The following CUX2 variants were observed in gnomAD, a reference collection of about 807,000 sequenced individuals.
CUX2 encodes the protein cut like homeobox 2.
CUX2 carries 40 observed loss-of-function variants against 144.8 expected under a neutral mutation model. The observed-to-expected ratio is 0.28, with a 90% confidence interval of 0.21 to 0.36. The LOEUF is 0.36. CUX2 is among the 10% of genes least tolerant of loss of function. The probability of loss-of-function intolerance (pLI) is 1.00; values close to 1 mark genes in which losing one functional copy is unlikely to be tolerated. For missense variants in CUX2, 1,615 were observed against 1,994.0 expected, an observed-to-expected ratio of 0.81 and a Z score of 3.62; for synonymous variants, 827 against 875.6, an observed-to-expected ratio of 0.94 and a Z score of 0.98.
intron 1 of CUX2, among the ~76,000 whole-genome samples, chr12:111,107,774 A>C (rs1047830442): frequency 7.9e-5 from 12 of 152,238 alleles, no homozygotes; most frequent in African/African-American, 2.9e-4. Context: ...AATTTATTTA[A>C]ACTTTTTTTT....
At chr12:111,292,093 G>A (rs1418202207) in intron 5 of CUX2, among the ~76,000 whole-genome samples, 1 of 152,206 alleles carries the variant, frequency 6.6e-6, no homozygotes, top group African/African-American at 2.4e-5. Flanking sequence ...ACGGCTAGGT[G>A]TGGACCCCAG....
intron 1 of CUX2, among the ~76,000 whole-genome samples, chr12:111,128,772 A>G (rs1005080436): frequency 2.8e-4 from 43 of 152,212 alleles, no homozygotes; most frequent in Admixed American, 2.2e-3. Flanking sequence ...ACTGTGATTT[A>G]TCCAGATGGG....
chr12:111,167,084 A>G (rs1878195766), intron 1 of CUX2, among the ~76,000 whole-genome samples: 1 of 152,142 alleles, frequency 6.6e-6, no homozygotes, highest in South Asian at 2.1e-4. Flanking sequence ...CTGTCACAAG[A>G]AGCTCACAGT....
At position 111,214,196 on chromosome 12, in the gene CUX2, C is replaced by G; in HGVS notation, c.64-4C>G. 7.6e-7 allele frequency: 1 copy of G among 1,318,988 alleles called. No homozygotes were observed. Among genetic ancestry groups the G allele is most frequent in the Non-Finnish European group, 1.0e-6 (1 of 995,930 alleles). 81.7% of individuals were successfully genotyped at this position (1,318,988 alleles called of 1,614,324 possible). A position where few individuals can be genotyped will look rare whatever the true frequency, so the allele number is the denominator to read the frequency against. On this transcript the variant is annotated splice_polypyrimidine_tract_variant and splice_region_variant and intron_variant, in intron 1 of 21. Transcript: ENST00000261726. ...CTCTTTTTTTTTTTTTTTTATTGTT[C>G]CAGAAGGAGCTTAATTCCGTCGCTT...
intron 1 of CUX2, among the ~76,000 whole-genome samples, chr12:111,125,954 G>C (rs1408999419): frequency 6.6e-6 from 1 of 152,018 alleles, no homozygotes; most frequent in Non-Finnish European, 1.5e-5. Flanking sequence ...AAGGCCAAAT[G>C]GGCCACCGGG....
At position 111,161,412 on chromosome 12, in the gene CUX2, G is replaced by A. The variant is rs1395062592; in HGVS notation, c.64-52788G>A. On this transcript the variant is annotated intron_variant, in intron 1 of 21. Coordinates refer to ENST00000261726, the MANE Select transcript of CUX2 (RefSeq NM_015267.4). ...AGCTTCCCAGAGTGGTTCATGTCAC[G>A]CTTATCTCAGAAAATAAGGACACAC... Among the ~76,000 whole-genome samples, 15 of 152,220 alleles carry A rather than the reference G, an allele frequency of 9.9e-5. No individual in the cohort carries two copies. The South Asian group carries it at 1.7e-3, about 17-fold the overall frequency.
At chr12:111,247,971 A>G (rs1200693711) in intron 3 of CUX2, among the ~76,000 whole-genome samples, 2 of 152,156 alleles carry the variant, frequency 1.3e-5, no homozygotes, top group African/African-American at 2.4e-5. Flanking sequence ...CAGTGGTGCA[A>G]TCTTGGCTCA....
At chr12:111,115,997 T>C (rs1034830592) in intron 1 of CUX2, among the ~76,000 whole-genome samples, 8 of 152,236 alleles carry the variant, frequency 5.3e-5, no homozygotes, top group Non-Finnish European at 8.8e-5. Flanking sequence ...GTTTGATGAA[T>C]ACCTTGGTCT....
At chr12:111,154,929 C>T (rs1877283124) in intron 1 of CUX2, among the ~76,000 whole-genome samples, 1 of 152,188 alleles carries the variant, frequency 6.6e-6, no homozygotes, top group Non-Finnish European at 1.5e-5. Context: ...TTGTGTAGCA[C>T]AGCGGTTGTG....
intron 7 of CUX2, among the ~76,000 whole-genome samples, chr12:111,296,071 G>A (rs1345514104): frequency 6.6e-6 from 1 of 152,066 alleles, no homozygotes; most frequent in Admixed American, 6.6e-5. Context: ...TTGGAACCTC[G>A]GGGTGGTTGA....
chr12:111,346,633 A>G (rs1218431991), intron 21 of CUX2, among the ~76,000 whole-genome samples: 5 of 152,240 alleles, frequency 3.3e-5, no homozygotes. Flanking sequence ...GAGCCACAGC[A>G]TTGAAGGTGC....
chr12:111,107,541 C>T (rs1035865039), intron 1 of CUX2, among the ~76,000 whole-genome samples: 1 of 152,232 alleles, frequency 6.6e-6, no homozygotes, highest in Non-Finnish European at 1.5e-5. Flanking sequence ...CAGTTCCCAC[C>T]GTATTCTGTT....
In CUX2 at chr12:111,318,730, C is replaced by G. The variant is rs190252150; in HGVS notation, c.2003-1282C>G. The stretch of plus-strand genomic sequence containing the variant: ...GGATGTCTCATTCTGTCACCCAGGT[C>G]GGAGTGCAATCTTGGTTCACTGCAG... On this transcript the variant is annotated intron_variant, in intron 16 of 21. Coordinates refer to ENST00000261726, the MANE Select transcript of CUX2 (RefSeq NM_015267.4). Among the ~76,000 whole-genome samples, 9 of 151,930 alleles carry G rather than the reference C, an allele frequency of 5.9e-5. No homozygotes were observed. In the East Asian group the frequency reaches 1.4e-3, roughly 23 times the overall value.
chr12:111,222,511 C>G (rs1166440867), intron 3 of CUX2, among the ~76,000 whole-genome samples: 2 of 152,150 alleles, frequency 1.3e-5, no homozygotes, highest in Admixed American at 6.5e-5. Flanking sequence ...GAGACATTCA[C>G]CTGGGCCTGA....
rs1047512985 is a variant in CUX2 at position 111,277,451 on chromosome 12, G to A, written c.301+13612G>A. Among the ~76,000 whole-genome samples, 1 of 151,680 alleles carries A rather than the reference G, an allele frequency of 6.6e-6. No individual in the cohort carries two copies. Among genetic ancestry groups the A allele is most frequent in the Admixed American group, 6.6e-5 (1 of 15,220 alleles). The stretch of plus-strand genomic sequence containing the variant: ...TCCTGTGTCTAGTATACTCCCCCGC[G>A]ACCCCCCTGCTAGCTGCCTCATTAG... On this transcript the variant is annotated intron_variant, in intron 4 of 21. Transcript: ENST00000261726. This position sits in a 1 kb window ranked among gnomAD's most constrained non-coding sequence, Gnocchi z 5.0.
chr12:111,087,889 T>C (rs990276615), intron 1 of CUX2, among the ~76,000 whole-genome samples: 1 of 152,130 alleles, frequency 6.6e-6, no homozygotes, highest in African/African-American at 2.4e-5. Flanking sequence ...AGCCAAAAAG[T>C]GGGAACACCC....
intron 1 of CUX2, among the ~76,000 whole-genome samples, chr12:111,121,579 C>G (rs1320943667): frequency 6.6e-6 from 1 of 151,790 alleles, no homozygotes; most frequent in Admixed American, 6.6e-5. Context: ...CCAGGCTGGT[C>G]TCGAACTCCT....
rs569049022 is a variant in CUX2 at position 111,121,468 on chromosome 12, A to G, written c.63+87228A>G. Among the ~76,000 whole-genome samples the G allele has an allele frequency of 9.0e-4, 115 of 127,624 alleles. No individual in the cohort carries two copies. In the Middle Eastern group the frequency reaches 0.032, roughly 36 times the overall value. 83.7% of individuals were successfully genotyped at this position (127,624 alleles called of 152,430 possible). ...CTTGACTCACTGCAACCTCCGCCTC[A>G]TGGGTTCATGCGATTCTCATGCCTC... is the stretch of plus-strand genomic sequence containing the variant. On this transcript the variant is annotated intron_variant, in intron 1 of 21. Transcript: ENST00000261726.
Position 111,061,482 on chromosome 12 carries a change from C to T in CUX2, c.63+27242C>T, listed in dbSNP as rs1453950966. Among the ~76,000 whole-genome samples, 5 of 152,060 alleles carry T rather than the reference C, an allele frequency of 3.3e-5. No individual in the cohort carries two copies. Among genetic ancestry groups the T allele is most frequent in the Non-Finnish European group, 7.4e-5 (5 of 68,020 alleles). On this transcript the variant is annotated intron_variant, in intron 1 of 21. Transcript: ENST00000261726. The surrounding 1 kb of genome is among the most constrained non-coding windows in gnomAD (Gnocchi z 4.2). The stretch of plus-strand genomic sequence containing the variant: ...TTGCATTATGGAAGACAAAGTCGCC[C>T]CATTATCGGAGGGCTTTACAAATAG...
Sources: gnomAD v4.1 joint callset for allele counts (sites outside exome capture counted in the v4.1 genomes callset) on GRCh38, gnomAD v4.1.1 for gene constraint, Gnocchi (gnomAD v3.1) non-coding constraint, MANE v1.5 for transcripts, NCBI Gene and HGNC (gene_info 2026-07-23, HGNC 2026-07-21) for gene names.